Variants in GRTP1 observed in about 807,000 individuals in gnomAD.
GRTP1 encodes the protein growth hormone-regulated TBC protein 1.
Under a neutral mutation model 38.1 loss-of-function variants are expected in GRTP1, and 56 were observed. The observed-to-expected ratio is 1.47, with a 90% CI of 1.19 to 1.84. The LOEUF is 1.84. Ranked by LOEUF, GRTP1 falls within the 40% of genes most tolerant of loss-of-function variation. GRTP1 has a pLI of 0.00. For synonymous variants in GRTP1, 217 were observed against 189.5 expected (o/e 1.14, Z -1.19); for missense variants, 506 against 453.9 (o/e 1.11, Z -1.04).
rs891435155 is a variant in GRTP1, at chr13:113,347,958, G to A, written c.465+2891C>T. Among the ~76,000 whole-genome samples the A allele has an allele frequency of 3.2e-4, 49 of 150,870 alleles. 2 individuals are homozygous for A. The South Asian group carries it at 6.1e-3, about 19-fold the overall frequency. On this transcript the variant is annotated intron_variant, in intron 4 of 7. Transcript: ENST00000375431. ...GACCTCTGAGGCCGAGAGCGGACCC[G>A]GGAGGACCTCTGTGGCCGAGAGCAG...
intron 5 of GRTP1, among the ~76,000 whole-genome samples, chr13:113,335,780 G>GC (rs35192823): frequency 1 from 151,832 of 151,842 alleles, 75,911 homozygotes; most frequent in Non-Finnish European, 1. Flanking sequence ...CCATGCTGCT[G>GC]AAATGACGGG....
intron 4 of GRTP1, among the ~76,000 whole-genome samples, chr13:113,347,411 T>C (rs1174542943): frequency 5.0e-5 from 4 of 79,350 alleles, no homozygotes; most frequent in Non-Finnish European, 7.7e-5. Flanking sequence ...CCTCTGTGGC[T>C]GACAGTGGAC....
Position 113,336,008 on chromosome 13 carries a change from T to C in GRTP1, c.562+8855A>G, listed in dbSNP as rs1161328192. Among the ~76,000 whole-genome samples, 3 of 151,924 alleles carry C rather than the reference T, an allele frequency of 2.0e-5. No individual in the cohort carries two copies. The East Asian group carries it at 5.8e-4, about 29-fold the overall frequency. ...GGTTTCACCGTGTTGACCAGGCTGG[T>C]CTGAAACTCCTGACCTCAGGTGATC... On this transcript the variant is annotated intron_variant, in intron 5 of 7. Transcript: ENST00000375431.
rs780054594 is a variant in GRTP1 at position 113,355,352 on chromosome 13, T to A, written c.311A>T (p.Asn104Ile). 18 of 1,613,878 alleles carry A rather than the reference T, an allele frequency of 1.1e-5. No homozygotes were observed. The highest frequency in any genetic ancestry group is 8.5e-7 in the Non-Finnish European group (1 of 1,179,974). The change falls in exon 3 of 8, where the codon AAC becomes ATC. Residue 104 changes from asparagine to isoleucine, a missense_variant. By Grantham distance (149) the Asn-to-Ile change is moderately radical. Coordinates refer to ENST00000375431, the MANE Select transcript of GRTP1 (RefSeq NM_024719.4). The stretch of plus-strand genomic sequence containing the variant: ...CCTGATGGCGTCCTCCAGCCTGGGG[T>A]TTCTCTCTCCCTGGAGAAGCTGGTG... ...YYHQLLQGER[N>I]PRLEDAIRTD... is the part of the protein sequence containing the mutation.
Position 113,355,498 on chromosome 13 carries a change from C to T in GRTP1, c.182-17G>A. On this transcript the variant is annotated splice_polypyrimidine_tract_variant and intron_variant, in intron 2 of 7. Coordinates refer to ENST00000375431, the MANE Select transcript of GRTP1 (RefSeq NM_024719.4). ...AGCGCTTCACTGAAGGCCGAGAGGACGGACAGCGTGTGAGCTGGACCAGGG... is the reference window on the plus strand; with the variant it reads ...AGCGCTTCACTGAAGGCCGAGAGGATGGACAGCGTGTGAGCTGGACCAGGG... 6.3e-7 allele frequency: 1 copy of T among 1,599,200 alleles called. No individual in the cohort carries two copies. The highest frequency in any genetic ancestry group is 1.1e-5 in the South Asian group (1 of 90,206).
rs372310717 is a variant in GRTP1 at position 113,346,059 on chromosome 13, G to A, written c.466-1100C>T. Among the ~76,000 whole-genome samples the A allele has an allele frequency of 0.024, 96 of 4,078 alleles. 2 individuals carry two copies. In the South Asian group the frequency reaches 0.28, roughly 12 times the overall value. The allele number at this position is 4,078 out of a possible 152,430, so 2.7% of individuals were successfully genotyped here. ...ACATCTGTGGCCGAGAGCAGACCCG[G>A]GAGGACCTCTGCGGCTGAGCAGACC... On this transcript the variant is annotated intron_variant, in intron 4 of 7. Transcript: ENST00000375431.
chr13:113,347,497 T>A (rs75454631), intron 4 of GRTP1, among the ~76,000 whole-genome samples: 564 of 48,318 alleles, frequency 0.012, 115 homozygotes, highest in African/African-American at 0.038. Flanking sequence ...AGGACCTCTG[T>A]GGCCGAGAGC....
chr13:113,330,824 TGGGAGCCCAGGTGTGTGGAA>T (rs1451661589), intron 5 of GRTP1, among the ~76,000 whole-genome samples: 4,501 of 4,792 alleles, frequency 0.94, 2,172 homozygotes, highest in Middle Eastern at 1. Context: ...GGTGTGTGCA[TGGGAGCCCAGGTGTGTGGAA>T]GGAAACCCAG....
Position 113,355,316 on chromosome 13 carries a change from G to T in GRTP1, c.340+7C>A, listed in dbSNP as rs752240626. 5.6e-6 allele frequency: 9 copies of T among 1,613,390 alleles called. No individual in the cohort carries two copies. Among genetic ancestry groups the T allele is most frequent in the Non-Finnish European group, 6.8e-6 (8 of 1,179,672 alleles). ...CCTGCACCAGAGCTCGACCCCCACC[G>T]CCTCACCTGTCCTGATGGCGTCCTC... On this transcript the variant is annotated splice_region_variant and intron_variant, in intron 3 of 7. Coordinates refer to ENST00000375431, the MANE Select transcript of GRTP1 (RefSeq NM_024719.4).
In GRTP1 at chr13:113,346,291, T is replaced by C. The variant is rs866079285; in HGVS notation, c.466-1332A>G. The stretch of plus-strand genomic sequence containing the variant: ...GGGAGGACCTCTGTGGCTGAGCGGA[T>C]CTGGGAGGACCTCTGTGGCAGAGAG... On this transcript the variant is annotated intron_variant, in intron 4 of 7. Transcript: ENST00000375431. 9.1e-3 allele frequency among the ~76,000 whole-genome samples: 99 copies of C among 10,936 alleles called. 16 individuals are homozygous for C. The highest frequency in any genetic ancestry group is 0.03 in the South Asian group (5 of 166). The allele number at this position is 10,936 out of a possible 152,430, so 7.2% of individuals were successfully genotyped here. A position where few individuals can be genotyped will look rare whatever the true frequency, so the allele number is the denominator to read the frequency against.
At chr13:113,359,958 T>C (rs1286715693) in intron 2 of GRTP1, 1 of 152,190 alleles carries the variant, frequency 6.6e-6, no homozygotes. Context: ...AAATATCAAG[T>C]CAAAACAGTT....
intron 3 of GRTP1, among the ~76,000 whole-genome samples, chr13:113,352,258 A>ATATT (rs1566437491): frequency 1.5e-5 from 1 of 66,914 alleles, no homozygotes; most frequent in South Asian, 4.9e-4. Context: ...ATATATTTAT[A>ATATT]TATTTTTATA....
chr13:113,363,830 G>A lies in GRTP1; in HGVS notation c.113C>T (p.Thr38Met). The A allele has an allele frequency of 1.2e-6, 2 of 1,612,024 alleles. No homozygotes were observed. The highest frequency in any genetic ancestry group is 1.7e-4 in the Middle Eastern group (1 of 6,054). The part of the protein sequence containing the change: ...YEKFFSSYLV[T>M]LTRRAIKWSR... ...CCATTTGATCGCCCTGCGGGTGAGC[G>A]TGACCAGGTAGCTGGAGAAAAACTT... The change falls in exon 2 of 8, where the codon ACG becomes ATG. Residue 38 changes from threonine to methionine, a missense_variant. By Grantham distance (81) the Thr-to-Met change is moderately conservative. Transcript: ENST00000375431.
chr13:113,350,083 T>C (rs2043233669), intron 4 of GRTP1, among the ~76,000 whole-genome samples: 1 of 152,044 alleles, frequency 6.6e-6, no homozygotes, highest in South Asian at 2.1e-4. Context: ...GAAACCCTCG[T>C]GGAGGCCAGC....
intron 5 of GRTP1, among the ~76,000 whole-genome samples, chr13:113,329,994 C>T (rs930648381): frequency 1.3e-5 from 2 of 152,064 alleles, no homozygotes; most frequent in African/African-American, 4.8e-5. Context: ...CATGGGAGCC[C>T]GGGTGCGTGC....
chr13:113,342,189 C>T lies in GRTP1; in HGVS notation c.562+2674G>A, dbSNP rs1315442453. On this transcript the variant is annotated intron_variant, in intron 5 of 7. Coordinates refer to ENST00000375431, the MANE Select transcript of GRTP1 (RefSeq NM_024719.4). This position sits in a 1 kb window ranked among gnomAD's most constrained non-coding sequence, Gnocchi z 4.5. ...AACTCCCCTAAATGCCTGCCTCGGT[C>T]TTGCAAAGTGCTAGGATTACAGGCG... 6.6e-6 allele frequency among the ~76,000 whole-genome samples: 1 copy of T among 152,172 alleles called. No individual in the cohort carries two copies. The highest frequency in any genetic ancestry group is 1.5e-5 in the Non-Finnish European group (1 of 68,026).
At chr13:113,326,155 C>T (rs1388651988) in intron 5 of GRTP1, 64 bp from the exon 6 acceptor site, 23 of 1,578,628 alleles carry the variant, frequency 1.5e-5, no homozygotes, top group South Asian at 4.5e-5. Context: ...CCCCATTCCC[C>T]TCAGAGCCAG....
In GRTP1 at chr13:113,355,327, C is replaced by T. The variant is rs371557832; in HGVS notation, c.336G>A (p.Arg112=). The change falls in exon 3 of 8, where the codon AGG becomes AGA. Residue 112 remains arginine (R), a synonymous_variant. Coordinates refer to ENST00000375431, the MANE Select transcript of GRTP1 (RefSeq NM_024719.4). ...GCTCGACCCCCACCGCCTCACCTGT[C>T]CTGATGGCGTCCTCCAGCCTGGGGT... ...ERNPRLEDAI[R]TDLNRTFPDN... 379 of 1,613,986 alleles carry T rather than the reference C, an allele frequency of 2.3e-4. 7 individuals are homozygous for T. In the Middle Eastern group the frequency reaches 2.5e-3, roughly 11 times the overall value.
intron 5 of GRTP1, among the ~76,000 whole-genome samples, chr13:113,330,235 G>A (rs1485134655): frequency 2.8e-4 from 35 of 126,760 alleles, no homozygotes; most frequent in East Asian, 1.0e-3. Flanking sequence ...ATGGAAACCC[G>A]GGTGTGTGCA....
Sources: allele counts gnomAD v4.1 joint callset (sites outside exome capture counted in the v4.1 genomes callset), GRCh38; gene constraint gnomAD v4.1.1; non-coding constraint Gnocchi (gnomAD v3.1); transcripts MANE v1.5; gene names NCBI Gene and HGNC (gene_info 2026-07-23, HGNC 2026-07-21).